Variants in ARMCX4 observed in about 807,000 individuals in gnomAD.
ARMCX4 encodes armadillo repeat containing X-linked 4, also known as armadillo repeat-containing X-linked protein 4.
A neutral mutation model predicts 34.7 loss-of-function variants in ARMCX4; 3 were observed. The ratio of observed to expected loss-of-function variants is 0.09; its 90% CI spans 0.04 to 0.22. The LOEUF (loss-of-function observed/expected upper bound fraction) is 0.22. Among genes scored for constraint, ARMCX4 ranks in the 10% least tolerant of loss-of-function variants. The pLI, the probability that ARMCX4 is intolerant of heterozygous loss-of-function variation, is 1.00. For missense variants in ARMCX4, 1,448 were observed against 1,720.8 expected, an observed-to-expected ratio of 0.84 and a Z score of 2.81; for synonymous variants, 513 against 632.8, an observed-to-expected ratio of 0.81 and a Z score of 2.84.
At chrX:101,447,284 AG>A (rs1258567396), downstream of ARMCX4, among the ~76,000 whole-genome samples, 1 of 112,593 alleles carries the variant, frequency 8.9e-6, no homozygotes, top group Admixed American at 9.4e-5. Context: ...ACACTTTTAG[AG>A]GGAATAATAT....
chrX:101,527,696 T>G (rs1363536122), intron 11 of ARMCX4, among the ~76,000 whole-genome samples: 1 of 111,621 alleles, frequency 9.0e-6, no homozygotes, highest in African/African-American at 3.3e-5. Flanking sequence ...GAGAATACTA[T>G]AAACACCTCT....
chrX:101,458,838 C>T lies in ARMCX4; in HGVS notation c.-473+12794C>T, dbSNP rs187119069. Among the ~76,000 whole-genome samples the T allele has an allele frequency of 5.8e-3, 646 of 111,279 alleles. 7 individuals carry two copies. Among genetic ancestry groups the T allele is most frequent in the African/African-American group, 0.02 (607 of 30,652 alleles). The stretch of plus-strand genomic sequence containing the variant: ...CTAGGCAGCTAGTGCATGATTTCCT[C>T]TTCTAAACAAAGCATTGATACTTAT... On this transcript the variant is annotated intron_variant and NMD_transcript_variant, in intron 4 of 15. Coordinates refer to the ARMCX4 transcript ENST00000433011.
At chrX:101,477,694 G>T (rs1456525746) in intron 4 of ARMCX4, among the ~76,000 whole-genome samples, 3 of 109,623 alleles carry the variant, frequency 2.7e-5, no homozygotes, top group Non-Finnish European at 5.7e-5. Context: ...AACTGAAAAA[G>T]GATGGTACAC....
At chrX:101,452,539 GTTTGTT>G (rs1251237623), downstream of ARMCX4, among the ~76,000 whole-genome samples, 42 of 111,054 alleles carry the variant, frequency 3.8e-4, no homozygotes, top group South Asian at 7.5e-4. Flanking sequence ...TTTTTGGTTT[GTTTGTT>G]TTTGTTTTTG....
chrX:101,488,196 A>T (rs1268710608), intron 5 of ARMCX4, 97 bp downstream of exon 5: 2 of 346,233 alleles, frequency 5.8e-6, no homozygotes, highest in Non-Finnish European at 4.8e-6. Flanking sequence ...TTATCGTCAG[A>T]CCTCCTACCA....
intron 4 of ARMCX4, among the ~76,000 whole-genome samples, chrX:101,475,471 C>T (rs781911447): frequency 9.0e-6 from 1 of 110,565 alleles, no homozygotes; most frequent in African/African-American, 3.3e-5. Flanking sequence ...CAGTGGGCGG[C>T]GGGGAGGGGT....
chrX:101,507,008 T>C (rs912875143), intron 8 of ARMCX4, among the ~76,000 whole-genome samples: 3 of 111,910 alleles, frequency 2.7e-5, no homozygotes, highest in Non-Finnish European at 5.6e-5. Flanking sequence ...GATTTTTAAA[T>C]TTTATGTATC....
Position 101,489,178 on chromosome X carries a change from G to A in ARMCX4, c.589G>A (p.Glu197Lys). Residue 197 changes from glutamate (E) to lysine (K), a missense_variant, in exon 6 of 6, where the codon GAA becomes AAA. Physicochemically the swap from Glu to Lys is moderately conservative, Grantham distance 56. Coordinates refer to ENST00000423738, the MANE Select transcript of ARMCX4 (RefSeq NM_001256155.3). ...CAAAGCTGAAACTCATATATTGGCT[G>A]AAAAAGAGACAGAGATTAACAGAGT... Reference protein sequence around the residue: ...QTKAETHILAEKETEINRVMV... With the variant: ...QTKAETHILAKKETEINRVMV... 2.6e-6 allele frequency: 3 copies of A among 1,156,030 alleles called. No individual in the cohort carries two copies. Among genetic ancestry groups the A allele is most frequent in the Non-Finnish European group, 3.4e-6 (3 of 872,984 alleles).
In ARMCX4 at chrX:101,493,246, C is replaced by T. The variant is rs1934051720; in HGVS notation, c.4657C>T (p.Gln1553Ter). Residue 1553 changes from glutamine to a stop codon, truncating the protein, a stop_gained, in exon 6 of 6, where the codon CAG becomes TAG. Coordinates refer to ENST00000423738, the MANE Select transcript of ARMCX4 (RefSeq NM_001256155.3). LOFTEE classifies it high-confidence loss of function. ...TGGGTCCTGGGATAGCCCTGGGAGT[C>T]AGGTCAGTGGAAGCTGCTGGACTGG... ...SAGSWDSPGS[Q>*]VSGSCWTGAG... is the part of the protein sequence containing the mutation. The T allele has an allele frequency of 8.7e-7, 1 of 1,153,778 alleles. No homozygotes were observed.
intron 2 of ARMCX4, among the ~76,000 whole-genome samples, chrX:101,440,815 C>A (rs111294407): frequency 9.0e-6 from 1 of 111,478 alleles, no homozygotes; most frequent in Non-Finnish European, 1.9e-5. Context: ...TTGCTAAGAC[C>A]GTTGGAAAAG....
chrX:101,487,879 T>C (rs997463202), intron 4 of ARMCX4, 165 bp from the exon 5 acceptor site: 3 of 284,049 alleles, frequency 1.1e-5, no homozygotes, highest in Admixed American at 8.8e-5. Flanking sequence ...GGGAAAAGAG[T>C]GTGACAGTGT....
chrX:101,515,356 T>TTTCTTTCC (rs1934689567), intron 11 of ARMCX4, among the ~76,000 whole-genome samples: 1 of 27,089 alleles, frequency 3.7e-5, no homozygotes, highest in Non-Finnish European at 6.9e-5. Context: ...TCTTTCTTTC[T>TTTCTTTCC]TTCTTTCTTT....
At position 101,464,714 on chromosome X, in the gene ARMCX4, A is replaced by G. The variant is rs782560289; in HGVS notation, c.-473+18670A>G. Among the ~76,000 whole-genome samples the G allele has an allele frequency of 2.7e-5, 3 of 111,901 alleles. No individual in the cohort carries two copies. The South Asian group carries it at 1.1e-3, about 42-fold the overall frequency. ...TATGGCTGTGTTACATTTGTTTGGA[A>G]TGGTGCACATATATTATGAAATGAT... On this transcript the variant is annotated intron_variant and NMD_transcript_variant, in intron 4 of 15. Coordinates refer to the ARMCX4 transcript ENST00000433011.
intron 2 of ARMCX4, among the ~76,000 whole-genome samples, chrX:101,434,254 C>CTTTTT (rs140569758): frequency 1.1e-5 from 1 of 89,292 alleles, no homozygotes; most frequent in Non-Finnish European, 2.2e-5. Flanking sequence ...TTAGAGTATT[C>CTTTTT]TTTTTTTTTT....
intron 2 of ARMCX4, among the ~76,000 whole-genome samples, chrX:101,443,130 CAAA>C (rs141804967): frequency 6.0e-5 from 3 of 49,739 alleles, no homozygotes; most frequent in African/African-American, 1.8e-4. Flanking sequence ...GACTCCGTCT[CAAA>C]AAAAAAAAAA....
At chrX:101,504,395 G>A (rs1204290832) in intron 7 of ARMCX4, among the ~76,000 whole-genome samples, 1 of 109,532 alleles carries the variant, frequency 9.1e-6, no homozygotes, top group African/African-American at 3.3e-5. Context: ...CCATTTTCAC[G>A]ATATTGATTC....
chrX:101,493,821 G>A lies in ARMCX4; in HGVS notation c.5232G>A (p.Gly1744=). The change falls in exon 6 of 6, where the codon GGG becomes GGA. Residue 1744 remains glycine (G), a synonymous_variant. Transcript: ENST00000423738. The part of the protein sequence containing the change: ...WFGPGAEAVI[G]SWCWTEEKAD... ...GGCCTGGAGCTGAGGCCGTTATAGG[G>A]TCTTGGTGCTGGACAGAGGAAAAAG... The A allele has an allele frequency of 1.7e-6, 2 of 1,153,974 alleles. No individual in the cohort carries two copies. Among genetic ancestry groups the A allele is most frequent in the Non-Finnish European group, 2.3e-6 (2 of 872,469 alleles).
Position 101,489,908 on chromosome X carries a change from C to G in ARMCX4, c.1319C>G (p.Ser440Cys). The part of the protein sequence containing the change: ...AGAKANLRAN[S>C]QVEALPDARD... ...GCCAAGGCAAACTTGAGGGCCAATT[C>G]CCAGGTTGAGGCCTTGCCTGATGCC... is the stretch of plus-strand genomic sequence containing the variant. Residue 440 changes from serine (S) to cysteine (C), a missense_variant, in exon 6 of 6, where the codon TCC becomes TGC. This residue lies in a region of ARMCX4 where 1,343 missense variants were observed against 1,540.7 expected (regional missense o/e 0.87). Coordinates refer to ENST00000423738, the MANE Select transcript of ARMCX4 (RefSeq NM_001256155.3). 8.6e-7 allele frequency: 1 copy of G among 1,156,116 alleles called. No individual in the cohort carries two copies. Among genetic ancestry groups the G allele is most frequent in the Non-Finnish European group, 1.1e-6 (1 of 873,004 alleles).
At chrX:101,459,471 GTAGCTATAA>G (rs1160730550) in intron 4 of ARMCX4, among the ~76,000 whole-genome samples, 2 of 111,619 alleles carry the variant, frequency 1.8e-5, no homozygotes, top group Middle Eastern at 4.7e-3. Flanking sequence ...TAATAGCTAT[GTAGCTATAA>G]TAGCTATAAT....
Sources: allele counts gnomAD v4.1 joint callset (sites outside exome capture counted in the v4.1 genomes callset), GRCh38; gene constraint gnomAD v4.1.1; regional missense constraint gnomAD v4.1.1; transcripts MANE v1.5; gene names NCBI Gene and HGNC (gene_info 2026-07-23, HGNC 2026-07-21).